The following ADGRE5 variants were observed in gnomAD, a reference collection of about 807,000 sequenced individuals.
ADGRE5 encodes CD97 molecule.
Under a neutral mutation model 100.3 loss-of-function variants are expected in ADGRE5, and 72 were observed. The ratio of observed to expected loss-of-function variants is 0.72; its 90% CI spans 0.59 to 0.87. The LOEUF (loss-of-function observed/expected upper bound fraction) is 0.87. Among genes scored for constraint, ADGRE5 ranks in the 40% least tolerant of loss-of-function variants. The pLI is 0.00. For missense variants in ADGRE5, 959 were observed against 1,094.7 expected (o/e 0.88, Z 1.75); for synonymous variants, 439 against 447.8 (o/e 0.98, Z 0.25).
At chr19:14,388,154 G>A (rs1568307643) in intron 1 of ADGRE5, among the ~76,000 whole-genome samples, 4 of 151,980 alleles carry the variant, frequency 2.6e-5, no homozygotes, top group African/African-American at 7.2e-5. Flanking sequence ...CTTGAGCCTA[G>A]GAATTGGAGG....
chr19:14,388,839 C>T (rs767899339), intron 3 of ADGRE5, 21 bp downstream of exon 3: 15 of 1,604,530 alleles, frequency 9.3e-6, no homozygotes, highest in East Asian at 4.5e-5. Flanking sequence ...TTGAGGGCAG[C>T]GCAGGGGACA....
At chr19:14,398,328 GCA>G (rs922136408) in intron 9 of ADGRE5, 189 bp downstream of exon 9, 300 of 580,988 alleles carry the variant, frequency 5.2e-4, no homozygotes, top group East Asian at 1.5e-3. Context: ...ACACACGCAT[GCA>G]CACACACACA....
chr19:14,387,774 T>C (rs1599611311), intron 1 of ADGRE5, among the ~76,000 whole-genome samples: 3 of 150,796 alleles, frequency 2.0e-5, no homozygotes. Flanking sequence ...TGATAAATTA[T>C]TTTATTTTAA....
intron 1 of ADGRE5, among the ~76,000 whole-genome samples, chr19:14,385,010 C>CTTT (rs56960989): frequency 1.8e-3 from 125 of 68,684 alleles, no homozygotes; most frequent in Non-Finnish European, 2.3e-3. Flanking sequence ...GACTCTTGCT[C>CTTT]TTTTTTTTTT....
chr19:14,401,379 C>T lies in ADGRE5; in HGVS notation c.898-7C>T, dbSNP rs371134981. On this transcript the variant is annotated splice_polypyrimidine_tract_variant and splice_region_variant and intron_variant, in intron 9 of 19. Coordinates refer to ENST00000242786, the MANE Select transcript of ADGRE5 (RefSeq NM_078481.4). This position sits in a 1 kb window ranked among gnomAD's most constrained non-coding sequence, Gnocchi z 4.1. ...CTCCAGCGATTCTGTCACCCGCCAC[C>T]CCCTAGAATGTCATCAAATTGGTGG... is the stretch of plus-strand genomic sequence containing the variant. 3 of 1,613,104 alleles carry T rather than the reference C, an allele frequency of 1.9e-6. No individual in the cohort carries two copies. Among genetic ancestry groups the T allele is most frequent in the South Asian group, 1.1e-5 (1 of 91,010 alleles).
chr19:14,408,659 A>G lies in ADGRE5; in HGVS notation c.*538A>G. ...GTTGTGAAGGTTGTAGACGTTGTGT[A>G]ATGTGTTTTTATCTGTTAAAATTTT... On this transcript the variant is annotated 3_prime_UTR_variant, in exon 20 of 20. Transcript: ENST00000242786. The G allele has an allele frequency of 2.0e-6, 1 of 511,334 alleles. No individual in the cohort carries two copies. The highest frequency in any genetic ancestry group is 3.4e-5 in the South Asian group (1 of 29,110). 31.7% of individuals were successfully genotyped at this position (511,334 alleles called of 1,614,324 possible). A position where few individuals can be genotyped will look rare whatever the true frequency, so the allele number is the denominator to read the frequency against.
chr19:14,406,501 G>C lies in ADGRE5; in HGVS notation c.1992G>C (p.Leu664=), dbSNP rs1206605490. The C allele has an allele frequency of 6.4e-7, 1 of 1,565,952 alleles. No individual in the cohort carries two copies. Among genetic ancestry groups the C allele is most frequent in the African/African-American group, 1.4e-5 (1 of 73,676 alleles). Residue 664 remains leucine, a synonymous_variant, in exon 15 of 20, where the codon CTG becomes CTC. Transcript: ENST00000242786. The surrounding 1 kb of genome is among the most constrained non-coding windows in gnomAD (Gnocchi z 6.0). ...WLCLIGYGVP[L]LIVGVSAAIY... is the part of the protein sequence containing the mutation. ...GCCTGATCGGCTATGGCGTGCCCCT[G>C]CTCATCGTGGGCGTCTCGGCTGCCA... is the stretch of plus-strand genomic sequence containing the variant.
Position 14,407,169 on chromosome 19 carries a change from C to T in ADGRE5, c.2316C>T (p.Thr772=), listed in dbSNP as rs1232944874. ...GCTTGGTGCTGACCTATGTGTTTAC[C>T]ATCCTCAACTGCCTGCAGGGCGCCT... ...DRSLVLTYVF[T]ILNCLQGAFL... is the part of the protein sequence containing the mutation. The change falls in exon 18 of 20, where the codon ACC becomes ACT. Residue 772 remains threonine (T), a synonymous_variant. Coordinates refer to ENST00000242786, the MANE Select transcript of ADGRE5 (RefSeq NM_078481.4). 1.9e-6 allele frequency: 3 copies of T among 1,613,998 alleles called. No homozygotes were observed. The highest frequency in any genetic ancestry group is 1.3e-5 in the African/African-American group (1 of 74,914).
At chr19:14,399,288 C>G (rs1047037687) in intron 9 of ADGRE5, among the ~76,000 whole-genome samples, 7 of 151,878 alleles carry the variant, frequency 4.6e-5, no homozygotes, top group Non-Finnish European at 7.4e-5. Flanking sequence ...CCTGGCCAAG[C>G]ACGGTGGCTC....
intron 4 of ADGRE5, among the ~76,000 whole-genome samples, chr19:14,396,063 C>G (rs541923554): frequency 2.0e-5 from 3 of 152,318 alleles, no homozygotes; most frequent in South Asian, 2.1e-4. Context: ...GGCCTTTGCC[C>G]GGAATCCTTA....
At chr19:14,389,336 G>C (rs1599614221) in intron 3 of ADGRE5, among the ~76,000 whole-genome samples, 1 of 36,772 alleles carries the variant, frequency 2.7e-5, no homozygotes, top group Non-Finnish European at 4.7e-5. Context: ...AGGGAGGGGG[G>C]AAGGGGAGGG....
In ADGRE5 at chr19:14,390,565, C is replaced by A. The variant is rs372715209; in HGVS notation, c.191-359C>A. ...TCTCGAACTCCTGACCTCAGGGGAT[C>A]CACCTGCCTCAGCCTCCCAAAATGC... On this transcript the variant is annotated intron_variant, in intron 3 of 19. Coordinates refer to ENST00000242786, the MANE Select transcript of ADGRE5 (RefSeq NM_078481.4). 2.5e-3 allele frequency among the ~76,000 whole-genome samples: 376 copies of A among 152,226 alleles called. 4 individuals carry two copies. Among genetic ancestry groups the A allele is most frequent in the African/African-American group, 8.9e-3 (368 of 41,562 alleles).
Position 14,401,376 on chromosome 19 carries a change from C to A in ADGRE5, c.898-10C>A. The A allele has an allele frequency of 1.2e-6, 2 of 1,612,672 alleles. No individual in the cohort carries two copies. Among genetic ancestry groups the A allele is most frequent in the Non-Finnish European group, 1.7e-6 (2 of 1,179,180 alleles). On this transcript the variant is annotated splice_polypyrimidine_tract_variant and intron_variant, in intron 9 of 19. Coordinates refer to ENST00000242786, the MANE Select transcript of ADGRE5 (RefSeq NM_078481.4). The surrounding 1 kb of genome is among the most constrained non-coding windows in gnomAD (Gnocchi z 4.1). ...ATGCTCCAGCGATTCTGTCACCCGC[C>A]ACCCCCTAGAATGTCATCAAATTGG...
At position 14,405,775 on chromosome 19, in the gene ADGRE5, G is replaced by A. The variant is rs1976201109; in HGVS notation, c.1657G>A (p.Val553Met). The change falls in exon 14 of 20, where the codon GTG becomes ATG. Residue 553 changes from valine to methionine, a missense_variant. Val to Met is a conservative substitution (Grantham distance 21, BLOSUM62 1). Transcript: ENST00000242786. ...EDWKLTLITR[V>M]GLALSLFCLL... ...CTGGAAGCTGACCCTGATCACCAGGGTGGGACTGGCGCTGTCACTCTTCTG... is the reference window on the plus strand; with the variant it reads ...CTGGAAGCTGACCCTGATCACCAGGATGGGACTGGCGCTGTCACTCTTCTG... The A allele has an allele frequency of 6.2e-7, 1 of 1,613,712 alleles. No individual in the cohort carries two copies. Among genetic ancestry groups the A allele is most frequent in the Non-Finnish European group, 8.5e-7 (1 of 1,179,872 alleles).
chr19:14,392,625 G>T (rs1975639728), intron 4 of ADGRE5, among the ~76,000 whole-genome samples: 1 of 152,164 alleles, frequency 6.6e-6, no homozygotes, highest in African/African-American at 2.4e-5. Flanking sequence ...TTAACAGGCT[G>T]GGCACAGTGG....
At chr19:14,392,251 A>G (rs1159606905) in intron 4 of ADGRE5, among the ~76,000 whole-genome samples, 1 of 152,034 alleles carries the variant, frequency 6.6e-6, no homozygotes, top group Non-Finnish European at 1.5e-5. Context: ...CCATCTCTAC[A>G]AAAACAAAAA....
Position 14,406,566 on chromosome 19 carries a change from A to T in ADGRE5, c.2048+9A>T. Reference sequence around the variant, plus strand: ...TACGGCCGCCCCAGATAGTGAGTGCAGCGAGATGGGGCAGGAGGAAGGCGG... The same window carrying T: ...TACGGCCGCCCCAGATAGTGAGTGCTGCGAGATGGGGCAGGAGGAAGGCGG... On this transcript the variant is annotated intron_variant, in intron 15 of 19. Coordinates refer to ENST00000242786, the MANE Select transcript of ADGRE5 (RefSeq NM_078481.4). The surrounding 1 kb of genome is among the most constrained non-coding windows in gnomAD (Gnocchi z 6.0). 1 of 1,601,392 alleles carries T rather than the reference A, an allele frequency of 6.2e-7. No homozygotes were observed.
At chr19:14,404,793 C>T in intron 13 of ADGRE5, 1 of 505,008 alleles carries the variant, frequency 2.0e-6, no homozygotes, top group South Asian at 2.7e-5. Context: ...TCTGCCTGTC[C>T]ATCCCGTACC....
chr19:14,398,867 G>C (rs1422887009), intron 9 of ADGRE5, among the ~76,000 whole-genome samples: 1 of 150,388 alleles, frequency 6.6e-6, no homozygotes, highest in African/African-American at 2.4e-5. Flanking sequence ...TTGGAAACAA[G>C]GTCTGGCTCT....
Sources: gnomAD v4.1 joint callset for allele counts (sites outside exome capture counted in the v4.1 genomes callset) on GRCh38, gnomAD v4.1.1 for gene constraint, Gnocchi (gnomAD v3.1) non-coding constraint, MANE v1.5 for transcripts, NCBI Gene and HGNC (gene_info 2026-07-23, HGNC 2026-07-21) for gene names.